Variants in DRC11 observed in about 807,000 individuals in gnomAD.
DRC11 encodes dynein regulatory complex subunit 11.
chr2:236,393,345 A>ACAGGGGTG, the DRC11 span, among the ~76,000 whole-genome samples: 1 of 152,166 alleles, frequency 6.6e-6, no homozygotes, highest in Admixed American at 6.5e-5. This position sits in a 1 kb window ranked among gnomAD's most constrained non-coding sequence, Gnocchi z 4.7. Context: ...TGAAGACAGC[A>ACAGGGGTG]GAGGCTGCAG....
the DRC11 span, among the ~76,000 whole-genome samples, chr2:236,457,495 G>A: frequency 1.6e-4 from 25 of 152,358 alleles, no homozygotes; most frequent in African/African-American, 5.8e-4. This position sits in a 1 kb window ranked among gnomAD's most constrained non-coding sequence, Gnocchi z 4.7. Flanking sequence ...TAGAGCTGTT[G>A]AGAGTTGTAG....
the DRC11 span, among the ~76,000 whole-genome samples, chr2:236,439,719 A>G: frequency 6.6e-6 from 1 of 152,054 alleles, no homozygotes; most frequent in African/African-American, 2.4e-5. Flanking sequence ...TTTGTTTGGC[A>G]TTTTTTATAA....
At chr2:236,361,005 T>G in the DRC11 span, among the ~76,000 whole-genome samples, 1 of 151,982 alleles carries the variant, frequency 6.6e-6, no homozygotes, top group African/African-American at 2.4e-5. The surrounding 1 kb of genome is among the most constrained non-coding windows in gnomAD (Gnocchi z 5.7). Context: ...ATCAATCAGA[T>G]GAAAAACAGA....
At chr2:236,398,774 A>G in the DRC11 span, among the ~76,000 whole-genome samples, 1 of 152,214 alleles carries the variant, frequency 6.6e-6, no homozygotes, top group Non-Finnish European at 1.5e-5. This position sits in a 1 kb window ranked among gnomAD's most constrained non-coding sequence, Gnocchi z 6.2. Flanking sequence ...ATTGAGGCAC[A>G]CATCTTAGTT....
the DRC11 span, among the ~76,000 whole-genome samples, chr2:236,502,548 C>CAAAAAAAAAA: frequency 4.3e-3 from 65 of 15,092 alleles, 5 homozygotes; most frequent in African/African-American, 6.0e-3. Context: ...TGCACTCCAG[C>CAAAAAAAAAA]AAAAAAAAAA....
At chr2:236,412,497 C>A in the DRC11 span, 1 of 152,278 alleles carries the variant, frequency 6.6e-6, no homozygotes, top group Admixed American at 6.5e-5. Context: ...TGGTCTTTAT[C>A]TCTCCTGAGT....
the DRC11 span, among the ~76,000 whole-genome samples, chr2:236,432,470 T>A: frequency 6.6e-5 from 10 of 152,334 alleles, no homozygotes; most frequent in South Asian, 2.1e-3. Context: ...TAGTTTTAAT[T>A]TGCATTTCTC....
chr2:236,375,517 G>A, the DRC11 span, among the ~76,000 whole-genome samples: 1 of 152,084 alleles, frequency 6.6e-6, no homozygotes, highest in East Asian at 1.9e-4. The surrounding 1 kb of genome is among the most constrained non-coding windows in gnomAD (Gnocchi z 4.2). Flanking sequence ...AACACAGAAA[G>A]TAAAATAAAT....
the DRC11 span, among the ~76,000 whole-genome samples, chr2:236,485,773 T>C: frequency 6.6e-6 from 1 of 152,170 alleles, no homozygotes; most frequent in African/African-American, 2.4e-5. Flanking sequence ...TGCAGTTCAA[T>C]GAAAGAGAAT....
the DRC11 span, among the ~76,000 whole-genome samples, chr2:236,416,768 T>TATATATATATATATATATATAA: frequency 4.3e-3 from 396 of 92,848 alleles, 15 homozygotes; most frequent in Non-Finnish European, 7.0e-3. Context: ...TATATATATA[T>TATATATATATATATATATATAA]AAATAATTTT....
At chr2:236,389,837 T>G in the DRC11 span, among the ~76,000 whole-genome samples, 1 of 152,236 alleles carries the variant, frequency 6.6e-6, no homozygotes, top group African/African-American at 2.4e-5. Context: ...TTCATTTCAT[T>G]GCAGCTGGAA....
the DRC11 span, among the ~76,000 whole-genome samples, chr2:236,363,413 C>T: frequency 0.18 from 27,002 of 152,140 alleles, 2,672 homozygotes; most frequent in Non-Finnish European, 0.23. This position sits in a 1 kb window ranked among gnomAD's most constrained non-coding sequence, Gnocchi z 5.6. Flanking sequence ...CCTTGGCAAC[C>T]CATGTCATGT....
chr2:236,333,211 T>C, the DRC11 span: 19 of 152,220 alleles, frequency 1.2e-4, no homozygotes, highest in African/African-American at 4.6e-4. The surrounding 1 kb of genome is among the most constrained non-coding windows in gnomAD (Gnocchi z 6.0). Context: ...CTTCATTCTA[T>C]ATTGCACTGA....
chr2:236,340,601 G>T, the DRC11 span, among the ~76,000 whole-genome samples: 173 of 152,290 alleles, frequency 1.1e-3, no homozygotes, highest in African/African-American at 3.7e-3. Context: ...GTGGAAGTAG[G>T]ACTGATCTGA....
chr2:236,365,865 T>G, the DRC11 span, among the ~76,000 whole-genome samples: 1 of 151,962 alleles, frequency 6.6e-6, no homozygotes, highest in Non-Finnish European at 1.5e-5. This position sits in a 1 kb window ranked among gnomAD's most constrained non-coding sequence, Gnocchi z 7.4. Context: ...TCTCGTAGAG[T>G]TACCAAGAGA....
chr2:236,461,824 C>A, the DRC11 span, among the ~76,000 whole-genome samples: 1 of 152,176 alleles, frequency 6.6e-6, no homozygotes, highest in Non-Finnish European at 1.5e-5. This position sits in a 1 kb window ranked among gnomAD's most constrained non-coding sequence, Gnocchi z 4.0. Context: ...GTTTGCATTC[C>A]TAATCATTGT....
chr2:236,502,548 CAAAAAAAAAAAAAAAA>C, the DRC11 span, among the ~76,000 whole-genome samples: 107 of 15,096 alleles, frequency 7.1e-3, 1 homozygote, highest in South Asian at 0.076. Flanking sequence ...TGCACTCCAG[CAAAAAAAAAAAAAAAA>C]AAAAAAAAAA....
At chr2:236,392,394 A>T in the DRC11 span, 107 of 1,079,956 alleles carry the variant, frequency 9.9e-5, no homozygotes, top group Non-Finnish European at 1.3e-4. This position sits in a 1 kb window ranked among gnomAD's most constrained non-coding sequence, Gnocchi z 5.1. Context: ...AAAAAATTTT[A>T]AAAAGATATA....
At chr2:236,326,789 TTGTTG>T in the DRC11 span, among the ~76,000 whole-genome samples, 1 of 144,826 alleles carries the variant, frequency 6.9e-6, no homozygotes, top group Admixed American at 7.1e-5. Flanking sequence ...ATTTTCAGAT[TTGTTG>T]TGTGTGTGTG....
Sources: allele counts gnomAD v4.1 joint callset (sites outside exome capture counted in the v4.1 genomes callset), GRCh38; gene constraint gnomAD v4.1.1; non-coding constraint Gnocchi (gnomAD v3.1); transcripts MANE v1.5; gene names NCBI Gene and HGNC (gene_info 2026-07-23, HGNC 2026-07-21).